SYNE3: variants seen among roughly 807,000 people sequenced by gnomAD.
The protein encoded by SYNE3 is spectrin repeat containing nuclear envelope family member 3.
Under a neutral mutation model 111.2 loss-of-function variants are expected in SYNE3, and 100 were observed. The observed-to-expected ratio is 0.90, with a 90% CI of 0.77 to 1.06. The LOEUF is 1.06. SYNE3 is among the 50% of genes least tolerant of loss of function. SYNE3 has a pLI of 0.00. For synonymous variants in SYNE3, 547 were observed against 533.9 expected (o/e 1.02, Z -0.34); for missense variants, 1,160 against 1,240.3 (o/e 0.94, Z 0.97).
At chr14:95,509,413 C>T (rs887339052) in intron 1 of SYNE3, among the ~76,000 whole-genome samples, 3 of 152,266 alleles carry the variant, frequency 2.0e-5, no homozygotes, top group Non-Finnish European at 4.4e-5. Flanking sequence ...CAGGGAGTCA[C>T]CTACCAGTGA....
At chr14:95,452,113 C>T (rs918015180) in intron 7 of SYNE3, 134 bp downstream of exon 7, 1 of 1,110,772 alleles carries the variant, frequency 9.0e-7, no homozygotes, top group Non-Finnish European at 1.2e-6. Context: ...CCTCTAAAAG[C>T]CAGTCATTGA....
chr14:95,502,440 A>G lies in SYNE3; in HGVS notation c.-15+14156T>C, dbSNP rs183488749. On this transcript the variant is annotated intron_variant, in intron 1 of 17. Transcript: ENST00000682763. ...CTGTGTGTCCTGCCTTTGAGGCCCC[A>G]TCTTCCCCGGCTGGCTCCTAATCAC... Among the ~76,000 whole-genome samples the G allele has an allele frequency of 4.6e-5, 7 of 152,052 alleles. No individual in the cohort carries two copies. In the East Asian group the frequency reaches 1.4e-3, roughly 30 times the overall value.
intron 1 of SYNE3, among the ~76,000 whole-genome samples, chr14:95,489,658 C>T (rs1410183876): frequency 6.6e-6 from 1 of 152,180 alleles, no homozygotes; most frequent in Non-Finnish European, 1.5e-5. Context: ...TGCTATGTTG[C>T]CCAGGCTGGT....
chr14:95,478,141 G>A (rs17829116), intron 1 of SYNE3, among the ~76,000 whole-genome samples: 19,333 of 152,168 alleles, frequency 0.13, 1,494 homozygotes, highest in Non-Finnish European at 0.18. Flanking sequence ...CAGACCAACC[G>A]AACTGTGGGC....
chr14:95,506,870 G>A (rs906833701), intron 1 of SYNE3, among the ~76,000 whole-genome samples: 1 of 152,136 alleles, frequency 6.6e-6, no homozygotes, highest in African/African-American at 2.4e-5. Flanking sequence ...ACAAAATCAG[G>A]GTCCCAGCTC....
intron 17 of SYNE3, among the ~76,000 whole-genome samples, chr14:95,426,783 T>C (rs1259660029): frequency 6.6e-6 from 1 of 150,670 alleles, no homozygotes; most frequent in Non-Finnish European, 1.5e-5. Context: ...CTACTAAAAA[T>C]ACAAAAAAAA....
At chr14:95,421,051 C>A (rs1002887504) in intron 17 of SYNE3, among the ~76,000 whole-genome samples, 1 of 152,190 alleles carries the variant, frequency 6.6e-6, no homozygotes, top group Admixed American at 6.5e-5. Context: ...CTCCCATTCT[C>A]TCTTGTCTGC....
At chr14:95,427,890 G>C (rs1363734000) in intron 17 of SYNE3, among the ~76,000 whole-genome samples, 1 of 152,198 alleles carries the variant, frequency 6.6e-6, no homozygotes, top group African/African-American at 2.4e-5. Flanking sequence ...CTGTGGGGCT[G>C]TTCCCTACAA....
intron 1 of SYNE3, among the ~76,000 whole-genome samples, chr14:95,477,493 A>C (rs370917216): frequency 9.8e-5 from 15 of 152,360 alleles, no homozygotes; most frequent in East Asian, 7.7e-4. Flanking sequence ...TTAAAAATAA[A>C]AATTGTCTTC....
chr14:95,471,637 G>T (rs1277641247), intron 2 of SYNE3, among the ~76,000 whole-genome samples: 1 of 152,250 alleles, frequency 6.6e-6, no homozygotes, highest in African/African-American at 2.4e-5. Flanking sequence ...ATTTTGAGAA[G>T]TAGATTCCAC....
chr14:95,438,535 G>A (rs1456348872), intron 14 of SYNE3: 1 of 165,480 alleles, frequency 6.0e-6, no homozygotes, highest in Non-Finnish European at 1.3e-5. Flanking sequence ...AGCAAATGGA[G>A]GAGTGGATGA....
chr14:95,488,751 G>C (rs1316717946), intron 1 of SYNE3, among the ~76,000 whole-genome samples: 1 of 150,004 alleles, frequency 6.7e-6, no homozygotes, highest in Admixed American at 6.6e-5. Context: ...GAGAGGAGAG[G>C]AGGGACTGCA....
At position 95,450,063 on chromosome 14, in the gene SYNE3, C is replaced by T. The variant is rs1382709699; in HGVS notation, c.1317G>A (p.Val439=). Residue 439 remains valine (V), a synonymous_variant, in exon 8 of 18, where the codon GTG becomes GTA. Coordinates refer to ENST00000682763, the MANE Select transcript of SYNE3 (RefSeq NM_152592.6). ...KSARLRNAAA[V]ELWQHFQRPL... ...GCCGCTGGAAATGCTGCCACAGCTC[C>T]ACCGCCGCGGCATTGCGCAGCCTCG... 1.3e-6 allele frequency: 2 copies of T among 1,571,250 alleles called. No individual in the cohort carries two copies. Among genetic ancestry groups the T allele is most frequent in the Non-Finnish European group, 1.7e-6 (2 of 1,158,064 alleles).
rs775645776 is a variant in SYNE3 at position 95,439,700 on chromosome 14, G to C, written c.2158C>G (p.Pro720Ala). The C allele has an allele frequency of 6.2e-7, 1 of 1,614,152 alleles. No individual in the cohort carries two copies. The highest frequency in any genetic ancestry group is 2.2e-5 in the East Asian group (1 of 44,884). The change falls in exon 13 of 18, where the codon CCG becomes GCG. Residue 720 changes from proline (P) to alanine (A), a missense_variant. Pro to Ala is a conservative substitution (Grantham distance 27). Transcript: ENST00000682763. ...TCCTGCACCACGGCAGCACCCTCCG[G>C]AGAAGACTTCTCCATCACCAGCCAG... ...QGWLVMEKSS[P>A]EGAAVVQEEL...
chr14:95,431,476 A>G (rs891342785), intron 17 of SYNE3, among the ~76,000 whole-genome samples: 1 of 152,222 alleles, frequency 6.6e-6, no homozygotes, highest in Admixed American at 6.5e-5. Flanking sequence ...GCCAATACAT[A>G]GCATCTCGAG....
chr14:95,419,989 T>C (rs1885020825), intron 17 of SYNE3, among the ~76,000 whole-genome samples: 1 of 16,232 alleles, frequency 6.2e-5, no homozygotes, highest in Non-Finnish European at 1.4e-4. Context: ...TGGGCAGTTC[T>C]GTCTCTCTAC....
chr14:95,445,866 C>T (rs975807556), intron 9 of SYNE3, 43 bp downstream of exon 9: 5 of 1,602,220 alleles, frequency 3.1e-6, no homozygotes, highest in African/African-American at 2.7e-5. Flanking sequence ...GCTCCAGCCC[C>T]GTGGCCAAGC....
chr14:95,409,542 T>G lies in SYNE3; in HGVS notation c.*8284A>C, dbSNP rs1595161261. ...CTCTCGGCTGGACAAGGTGGTTGGGTTGGGGATGATGTTACCATGACAACC... is the reference window on the plus strand; with the variant it reads ...CTCTCGGCTGGACAAGGTGGTTGGGGTGGGGATGATGTTACCATGACAACC... On this transcript the variant is annotated 3_prime_UTR_variant, in exon 18 of 18. Transcript: ENST00000682763. The G allele has an allele frequency of 7.8e-6, 3 of 387,040 alleles. No individual in the cohort carries two copies. Among genetic ancestry groups the G allele is most frequent in the South Asian group, 5.9e-5 (3 of 50,880 alleles). The allele number at this position is 387,040 out of a possible 1,614,324, so 24.0% of individuals were successfully genotyped here.
chr14:95,432,159 A>T lies in SYNE3; in HGVS notation c.2689-42T>A, dbSNP rs766331049. The T allele has an allele frequency of 1.9e-6, 3 of 1,545,296 alleles. No homozygotes were observed. The South Asian group carries it at 3.4e-5, about 18-fold the overall frequency. On this transcript the variant is annotated intron_variant, in intron 16 of 17. Coordinates refer to ENST00000682763, the MANE Select transcript of SYNE3 (RefSeq NM_152592.6). ...GGAGAGGAAAAGGGGGGAAAAAAAT[A>T]AGTTAAGTGAGTGAAACTTAAATCC...
Sources: gnomAD v4.1 joint callset for allele counts (sites outside exome capture counted in the v4.1 genomes callset) on GRCh38, gnomAD v4.1.1 for gene constraint, MANE v1.5 for transcripts, NCBI Gene and HGNC (gene_info 2026-07-23, HGNC 2026-07-21) for gene names.